The following RASAL2 variants were observed in gnomAD, a reference collection of about 807,000 sequenced individuals.
RASAL2 encodes ras GTPase-activating protein nGAP.
Under a neutral mutation model 128.9 loss-of-function variants are expected in RASAL2, and 58 were observed. The observed-to-expected ratio is 0.45, with a 90% CI of 0.36 to 0.56. RASAL2 has a LOEUF of 0.56. Among genes scored for constraint, RASAL2 ranks in the 20% least tolerant of loss-of-function variants. The pLI is 0.00. For synonymous variants in RASAL2, 561 were observed against 580.8 expected (o/e 0.97, Z 0.49); for missense variants, 1,360 against 1,601.6 (o/e 0.85, Z 2.57).
intron 2 of RASAL2, among the ~76,000 whole-genome samples, chr1:178,291,352 A>C (rs1239572886): frequency 6.6e-6 from 1 of 152,208 alleles, no homozygotes; most frequent in Non-Finnish European, 1.5e-5. Flanking sequence ...GGTATTTAGC[A>C]AGGTAATGAC....
intron 1 of RASAL2, among the ~76,000 whole-genome samples, chr1:178,249,624 G>A (rs1365171581): frequency 6.6e-6 from 1 of 151,968 alleles, no homozygotes; most frequent in African/African-American, 2.4e-5. Flanking sequence ...AGGCATTCTG[G>A]TTCTTGGAAT....
At chr1:178,425,027 G>A (rs1178238327) in intron 5 of RASAL2, among the ~76,000 whole-genome samples, 3 of 152,102 alleles carry the variant, frequency 2.0e-5, no homozygotes, top group Non-Finnish European at 2.9e-5. Flanking sequence ...CAACCTCGAG[G>A]AGTCCAGTAA....
chr1:178,250,703 G>A (rs142341260), intron 1 of RASAL2, among the ~76,000 whole-genome samples: 1 of 152,234 alleles, frequency 6.6e-6, no homozygotes, highest in Non-Finnish European at 1.5e-5. Flanking sequence ...CATCTTGCCA[G>A]ATCCAGAAAA....
At chr1:178,196,294 A>G (rs964617663) in intron 1 of RASAL2, among the ~76,000 whole-genome samples, 1 of 152,210 alleles carries the variant, frequency 6.6e-6, no homozygotes, top group Non-Finnish European at 1.5e-5. Flanking sequence ...AACAACTAAT[A>G]CTATAAAGAA....
intron 1 of RASAL2, among the ~76,000 whole-genome samples, chr1:178,190,277 A>G (rs567144035): frequency 2.8e-5 from 4 of 143,302 alleles, no homozygotes; most frequent in Admixed American, 1.3e-4. Flanking sequence ...ATATTTTCCA[A>G]TATCTCAAAA....
chr1:178,339,234 A>T (rs1669744468), intron 3 of RASAL2, among the ~76,000 whole-genome samples: 2 of 152,240 alleles, frequency 1.3e-5, no homozygotes, highest in African/African-American at 4.8e-5. Context: ...CCAAGGAAAG[A>T]TAGTCCTTTC....
At chr1:178,113,509 C>T (rs1022336788) in intron 1 of RASAL2, among the ~76,000 whole-genome samples, 2 of 99,698 alleles carry the variant, frequency 2.0e-5, no homozygotes, top group African/African-American at 8.2e-5. Context: ...TGCATGCCTG[C>T]GAGTGTGTGT....
intron 4 of RASAL2, among the ~76,000 whole-genome samples, chr1:178,400,779 G>A (rs1429430045): frequency 1.3e-5 from 2 of 152,016 alleles, no homozygotes; most frequent in East Asian, 1.9e-4. Flanking sequence ...TTTTGAGACG[G>A]TGTCTCAGTC....
At chr1:178,326,804 A>G (rs1211561042) in intron 3 of RASAL2, among the ~76,000 whole-genome samples, 1 of 152,134 alleles carries the variant, frequency 6.6e-6, no homozygotes, top group African/African-American at 2.4e-5. Context: ...TCGGCCTCCC[A>G]AAGTGCTGGG....
chr1:178,148,990 T>G (rs1480652004), intron 1 of RASAL2, among the ~76,000 whole-genome samples: 1 of 152,202 alleles, frequency 6.6e-6, no homozygotes, highest in African/African-American at 2.4e-5. Flanking sequence ...TTCTCTCTCT[T>G]TCTTCCTCTC....
intron 4 of RASAL2, among the ~76,000 whole-genome samples, chr1:178,416,576 C>A (rs1412655924): frequency 6.6e-6 from 1 of 151,928 alleles, no homozygotes; most frequent in Non-Finnish European, 1.5e-5. Context: ...TTAAGAAGGT[C>A]CAATTTGTGA....
chr1:178,317,187 G>C (rs1185734802), intron 3 of RASAL2, among the ~76,000 whole-genome samples: 2 of 130,212 alleles, frequency 1.5e-5, no homozygotes, highest in Admixed American at 7.4e-5. Context: ...TGCTGGATTC[G>C]GTTTGCCAGT....
chr1:178,249,138 C>A (rs184826039), intron 1 of RASAL2, among the ~76,000 whole-genome samples: 1 of 152,166 alleles, frequency 6.6e-6, no homozygotes. Flanking sequence ...GTGTGTTTTC[C>A]AACTTGGTTC....
chr1:178,266,116 ATATC>A (rs1665935068), intron 1 of RASAL2, among the ~76,000 whole-genome samples: 1 of 152,234 alleles, frequency 6.6e-6, no homozygotes, highest in Non-Finnish European at 1.5e-5. Flanking sequence ...TGTTGGGTAT[ATATC>A]TAGGAGTAGA....
rs944023847 is a variant in RASAL2, at chr1:178,475,409, G to A, written c.*2170G>A. ...CAAAGTGTAGTGTCCTTTGTTGAAGGAGGAGGGATGTAAGCATAGATTTGT... is the reference window on the plus strand; with the variant it reads ...CAAAGTGTAGTGTCCTTTGTTGAAGAAGGAGGGATGTAAGCATAGATTTGT... On this transcript the variant is annotated 3_prime_UTR_variant, in exon 18 of 18. Coordinates refer to ENST00000367649, the MANE Select transcript of RASAL2 (RefSeq NM_170692.4). 17 of 152,250 alleles carry A rather than the reference G, an allele frequency of 1.1e-4. No homozygotes were observed. The highest frequency in any genetic ancestry group is 4.1e-4 in the African/African-American group (17 of 41,472). 9.4% of individuals were successfully genotyped at this position (152,250 alleles called of 1,614,324 possible).
chr1:178,426,608 A>T (rs1429265179), intron 5 of RASAL2, among the ~76,000 whole-genome samples: 2 of 151,752 alleles, frequency 1.3e-5, no homozygotes, highest in African/African-American at 4.8e-5. Context: ...GCTAAGGTTT[A>T]AAAAAAAATT....
intron 1 of RASAL2, among the ~76,000 whole-genome samples, chr1:178,179,952 A>G (rs1382535880): frequency 6.6e-6 from 1 of 152,222 alleles, no homozygotes; most frequent in Non-Finnish European, 1.5e-5. Context: ...TTCAACGTTT[A>G]CAAAATTTCT....
intron 1 of RASAL2, among the ~76,000 whole-genome samples, chr1:178,283,106 T>C (rs1666858901): frequency 6.6e-6 from 1 of 152,132 alleles, no homozygotes; most frequent in South Asian, 2.1e-4. Flanking sequence ...TTCCTGTGAG[T>C]GTAAAGCCAT....
At chr1:178,401,766 A>G (rs1673644590) in intron 4 of RASAL2, among the ~76,000 whole-genome samples, 1 of 152,216 alleles carries the variant, frequency 6.6e-6, no homozygotes, top group African/African-American at 2.4e-5. Context: ...CTGGGCTTAT[A>G]TGTTATGCAG....
Sources: gnomAD v4.1 joint callset for allele counts (sites outside exome capture counted in the v4.1 genomes callset) on GRCh38, gnomAD v4.1.1 for gene constraint, MANE v1.5 for transcripts, NCBI Gene and HGNC (gene_info 2026-07-23, HGNC 2026-07-21) for gene names.